Variants in OPA3 observed in about 807,000 individuals in gnomAD.
The protein encoded by OPA3 is outer mitochondrial membrane lipid metabolism regulator OPA3, also known as optic atrophy 3 protein.
Under a neutral mutation model 4.0 loss-of-function variants are expected in OPA3, and 6 were observed. The observed-to-expected ratio is 1.51, with a 90% confidence interval of 0.83 to 2.99. OPA3 has a LOEUF of 2.99. Ranked by LOEUF, OPA3 falls within the 30% of genes most tolerant of loss-of-function variation. The pLI, the probability that OPA3 is intolerant of heterozygous loss-of-function variation, is 0.00. For synonymous variants in OPA3, 105 were observed against 117.1 expected (o/e 0.90, Z 0.67); for missense variants, 235 against 256.2 (o/e 0.92, Z 0.56).
chr19:45,558,471 A>G (rs1969453195), intron 1 of OPA3, among the ~76,000 whole-genome samples: 1 of 152,138 alleles, frequency 6.6e-6, no homozygotes, highest in Admixed American at 6.6e-5. Flanking sequence ...CCTCAGAGGA[A>G]CCCTCAACTA....
At chr19:45,560,211 A>G (rs1453011074) in intron 1 of OPA3, among the ~76,000 whole-genome samples, 1 of 151,110 alleles carries the variant, frequency 6.6e-6, no homozygotes, top group Admixed American at 6.6e-5. Context: ...CATACCGGAG[A>G]ATCCCAACTC....
At chr19:45,545,555 A>G (rs1008344104), downstream of OPA3, among the ~76,000 whole-genome samples, 3 of 151,660 alleles carry the variant, frequency 2.0e-5, no homozygotes, top group African/African-American at 7.3e-5. Flanking sequence ...AATGGAAAAA[A>G]CAACAACAAC....
At chr19:45,562,115 G>A (rs1249259917) in intron 1 of OPA3, among the ~76,000 whole-genome samples, 3 of 151,790 alleles carry the variant, frequency 2.0e-5, no homozygotes, top group South Asian at 4.1e-4. Flanking sequence ...TTAAGAGGCC[G>A]AGGCACTGGA....
chr19:45,564,904 CAAAAATTTCATTCTTTGTGATTTTAGTTA>C (rs1873418533), intron 1 of OPA3, among the ~76,000 whole-genome samples: 1 of 152,102 alleles, frequency 6.6e-6, no homozygotes, highest in African/African-American at 2.4e-5. Flanking sequence ...AAATTAAAAT[CAAAAATTTCATTCTTTGTGATTTTAGTTA>C]AAACTTTTCT....
chr19:45,571,836 C>T (rs1969670830), intron 1 of OPA3, among the ~76,000 whole-genome samples: 1 of 152,094 alleles, frequency 6.6e-6, no homozygotes, highest in Non-Finnish European at 1.5e-5. Flanking sequence ...TTGTGTTTAA[C>T]CTGGTGGTTA....
intron 1 of OPA3, among the ~76,000 whole-genome samples, chr19:45,569,618 G>A (rs1969632222): frequency 6.6e-6 from 1 of 152,106 alleles, no homozygotes; most frequent in Admixed American, 6.6e-5. Context: ...CAAGGGGTGG[G>A]AGGTGACCCG....
In OPA3 at chr19:45,584,573, CAG is replaced by C. The variant is rs567190354; in HGVS notation, c.142+48_142+49del. ...GTCCATCCCCTAAGCAACCACCTGACAGGGGTTGGAGAAAGGAAAAAGGTTGG... is the reference window on the plus strand; with the variant it reads ...GTCCATCCCCTAAGCAACCACCTGACGGGTTGGAGAAAGGAAAAAGGTTGG... On this transcript the variant is annotated intron_variant, in intron 1 of 1. Coordinates refer to ENST00000263275, the MANE Select transcript of OPA3 (RefSeq NM_025136.4). 8.5e-5 allele frequency: 137 copies of C among 1,613,594 alleles called. No homozygotes were observed. In the East Asian group the frequency reaches 2.7e-3, roughly 32 times the overall value.
At chr19:45,534,134 C>A (rs928772932) in intron 1 of OPA3, among the ~76,000 whole-genome samples, 2 of 152,202 alleles carry the variant, frequency 1.3e-5, no homozygotes, top group East Asian at 3.8e-4. Context: ...GTAATGTTAT[C>A]TACACTCCTC....
intron 1 of OPA3, among the ~76,000 whole-genome samples, chr19:45,556,561 T>C (rs1304024514): frequency 6.6e-6 from 1 of 152,066 alleles, no homozygotes; most frequent in Non-Finnish European, 1.5e-5. Flanking sequence ...TCTTGCTATG[T>C]TGCCAAAGCA....
chr19:45,537,156 G>C (rs768549621), intron 1 of OPA3, among the ~76,000 whole-genome samples: 2 of 151,948 alleles, frequency 1.3e-5, no homozygotes, highest in Non-Finnish European at 2.9e-5. Flanking sequence ...ATGGGGTTTC[G>C]CCATGTTGGT....
chr19:45,539,998 G>GA (rs1312593178), intron 1 of OPA3, among the ~76,000 whole-genome samples: 2 of 152,136 alleles, frequency 1.3e-5, no homozygotes, highest in African/African-American at 4.8e-5. Flanking sequence ...TCAGTTTACT[G>GA]AAAATCATCA....
chr19:45,549,312 C>T lies in OPA3; in HGVS notation c.*4202G>A, dbSNP rs927415423. 1.3e-5 allele frequency: 13 copies of T among 985,202 alleles called. No individual in the cohort carries two copies. Among genetic ancestry groups the T allele is most frequent in the African/African-American group, 1.7e-5 (1 of 57,192 alleles). The allele number at this position is 985,202 out of a possible 1,614,324, so 61.0% of individuals were successfully genotyped here. On this transcript the variant is annotated 3_prime_UTR_variant, in exon 2 of 2. Coordinates refer to ENST00000263275, the MANE Select transcript of OPA3 (RefSeq NM_025136.4). ...CACACACTCTGGCCACCCCTGACGC[C>T]GCAGTGGGGGAAGTAGATGGCCCTG...
At position 45,550,413 on chromosome 19, in the gene OPA3, G is replaced by A. The variant is rs1969315183; in HGVS notation, c.*3101C>T. ...GTGATCTGGGGCTGCTCTGAGAGGG[G>A]ATAGAGAGGGTCTCCCACTATCAAC... is the stretch of plus-strand genomic sequence containing the variant. On this transcript the variant is annotated 3_prime_UTR_variant, in exon 2 of 2. Transcript: ENST00000263275. 3 of 985,834 alleles carry A rather than the reference G, an allele frequency of 3.0e-6. No individual in the cohort carries two copies. The highest frequency in any genetic ancestry group is 3.6e-6 in the Non-Finnish European group (3 of 830,308). 61.1% of individuals were successfully genotyped at this position (985,834 alleles called of 1,614,324 possible). A position where few individuals can be genotyped will look rare whatever the true frequency, so the allele number is the denominator to read the frequency against.
At chr19:45,572,596 T>TCA (rs60346620) in intron 1 of OPA3, among the ~76,000 whole-genome samples, 17,087 of 129,692 alleles carry the variant, frequency 0.13, 1,630 homozygotes, top group South Asian at 0.2. Context: ...AATATATATA[T>TCA]TGATATATAT....
intron 1 of OPA3, 46 bp from the exon 2 acceptor site, chr19:45,553,957 C>T: frequency 6.6e-7 from 1 of 1,509,798 alleles, no homozygotes; most frequent in Non-Finnish European, 9.1e-7. Context: ...GAGCCCCCTG[C>T]AAGCCCCACC....
chr19:45,528,189 A>T (rs1014149183), exon 2 of OPA3: 1 of 152,496 alleles, frequency 6.6e-6, no homozygotes, highest in African/African-American at 2.4e-5. Flanking sequence ...ACTGGTGACC[A>T]AGTGACTGAG....
intron 1 of OPA3, among the ~76,000 whole-genome samples, chr19:45,573,112 G>C (rs756302115): frequency 1.3e-4 from 20 of 151,994 alleles, no homozygotes; most frequent in Non-Finnish European, 2.6e-4. Context: ...CAAAGCTTGT[G>C]TGCCTTCAGA....
At chr19:45,574,237 C>CA (rs1280343198) in intron 1 of OPA3, among the ~76,000 whole-genome samples, 10 of 150,738 alleles carry the variant, frequency 6.6e-5, no homozygotes, top group Non-Finnish European at 1.2e-4. Context: ...ACTAAAAATA[C>CA]AAAAAATATT....
At position 45,557,255 on chromosome 19, in the gene OPA3, T is replaced by G. The variant is rs201766453; in HGVS notation, c.143-3344A>C. On this transcript the variant is annotated intron_variant, in intron 1 of 1. Transcript: ENST00000263275. ...GCCACAGGAAATCAAATCAAGAGGG[T>G]GTGTGTGTGTGTGCACGCGTGTGTG... Among the ~76,000 whole-genome samples the G allele has an allele frequency of 7.3e-5, 11 of 150,520 alleles. No homozygotes were observed. The East Asian group carries it at 2.0e-3, about 27-fold the overall frequency.
Sources: allele counts gnomAD v4.1 joint callset (sites outside exome capture counted in the v4.1 genomes callset), GRCh38; gene constraint gnomAD v4.1.1; transcripts MANE v1.5; gene names NCBI Gene and HGNC (gene_info 2026-07-23, HGNC 2026-07-21).